RAB3C: variants seen among roughly 807,000 people sequenced by gnomAD.
RAB3C encodes ras-related protein Rab-3C.
RAB3C carries 17 observed loss-of-function variants against 26.4 expected under a neutral mutation model. The observed-to-expected ratio is 0.64, with a 90% CI of 0.44 to 0.97. The LOEUF is 0.97. RAB3C is among the 50% of genes least tolerant of loss of function. The pLI is 0.00. For synonymous variants in RAB3C, 91 were observed against 95.9 expected (o/e 0.95, Z 0.30); for missense variants, 242 against 281.9 (o/e 0.86, Z 1.01).
At chr5:58,839,359 T>G (rs1220250708) in intron 4 of RAB3C, among the ~76,000 whole-genome samples, 7 of 150,248 alleles carry the variant, frequency 4.7e-5, no homozygotes, top group Admixed American at 4.6e-4. Flanking sequence ...TTTTATTTAT[T>G]TATTTATTTA....
intron 2 of RAB3C, among the ~76,000 whole-genome samples, chr5:58,672,421 A>T (rs1748138811): frequency 1.3e-5 from 2 of 152,190 alleles, no homozygotes; most frequent in Admixed American, 6.5e-5. Context: ...TAACTTGCCA[A>T]ACTATTTCCT....
At chr5:58,731,675 C>T (rs1561303273) in intron 3 of RAB3C, among the ~76,000 whole-genome samples, 1 of 152,136 alleles carries the variant, frequency 6.6e-6, no homozygotes, top group Non-Finnish European at 1.5e-5. Flanking sequence ...CTCACAGGAA[C>T]GTCTTCAGAG....
intron 2 of RAB3C, among the ~76,000 whole-genome samples, chr5:58,655,336 A>G (rs986190568): frequency 6.6e-6 from 1 of 152,256 alleles, no homozygotes; most frequent in Non-Finnish European, 1.5e-5. Flanking sequence ...CATTAAAAAC[A>G]AAGATGGGAC....
chr5:58,732,351 GA>G (rs1331524207), intron 3 of RAB3C, among the ~76,000 whole-genome samples: 1 of 151,658 alleles, frequency 6.6e-6, no homozygotes, highest in Non-Finnish European at 1.5e-5. Flanking sequence ...TAGGAAAGGA[GA>G]AAAAACATAT....
intron 3 of RAB3C, among the ~76,000 whole-genome samples, chr5:58,781,950 C>T (rs866658980): frequency 6.6e-6 from 1 of 151,880 alleles, no homozygotes; most frequent in African/African-American, 2.4e-5. Flanking sequence ...TTTTGATTCT[C>T]CCTTCTACCG....
intron 3 of RAB3C, among the ~76,000 whole-genome samples, chr5:58,818,261 G>A (rs936821319): frequency 6.6e-5 from 10 of 152,084 alleles, no homozygotes; most frequent in African/African-American, 2.4e-4. Flanking sequence ...GTAGAAATGT[G>A]GTTTGTTCAC....
chr5:58,620,149 T>G (rs1746905668), intron 2 of RAB3C, among the ~76,000 whole-genome samples: 1 of 152,190 alleles, frequency 6.6e-6, no homozygotes, highest in Non-Finnish European at 1.5e-5. Flanking sequence ...TCCATTCTCC[T>G]GCTCTGTGGA....
chr5:58,767,406 T>C (rs1741929463), intron 3 of RAB3C, among the ~76,000 whole-genome samples: 1 of 152,248 alleles, frequency 6.6e-6, no homozygotes, highest in Non-Finnish European at 1.5e-5. Context: ...ATTTCATTCA[T>C]TCATTCTTTG....
intron 2 of RAB3C, among the ~76,000 whole-genome samples, chr5:58,636,117 T>A (rs77190832): frequency 0.015 from 2,223 of 152,316 alleles, 47 homozygotes; most frequent in African/African-American, 0.05. Flanking sequence ...TTATTTTGGC[T>A]CCACCCCAGC....
intron 3 of RAB3C, among the ~76,000 whole-genome samples, chr5:58,740,695 C>A (rs1010256435): frequency 3.3e-5 from 5 of 151,992 alleles, no homozygotes; most frequent in African/African-American, 1.2e-4. Context: ...TGGCACGCAC[C>A]CATAGTCCCA....
chr5:58,717,432 C>T (rs1749194824), intron 2 of RAB3C, among the ~76,000 whole-genome samples: 1 of 152,086 alleles, frequency 6.6e-6, no homozygotes, highest in Non-Finnish European at 1.5e-5. Flanking sequence ...TGAAGCCTGT[C>T]CTGCCACCCA....
At position 58,810,397 on chromosome 5, in the gene RAB3C, G is replaced by C. The variant is rs1320283055; in HGVS notation, c.372-14641G>C. ...TCTCTCTCTCTCTCTGTGTGTGTGT[G>C]TGTGTGTGTGTGTGTGTGTTTTCTT... On this transcript the variant is annotated intron_variant, in intron 3 of 4. Transcript: ENST00000282878. Among the ~76,000 whole-genome samples, 456 of 115,320 alleles carry C rather than the reference G, an allele frequency of 4.0e-3. 2 individuals carry two copies. The highest frequency in any genetic ancestry group is 0.013 in the African/African-American group (423 of 33,594). 75.7% of individuals were successfully genotyped at this position (115,320 alleles called of 152,430 possible).
At chr5:58,608,229 T>A (rs1329320122) in intron 1 of RAB3C, among the ~76,000 whole-genome samples, 1 of 151,954 alleles carries the variant, frequency 6.6e-6, no homozygotes, top group East Asian at 1.9e-4. Flanking sequence ...AATAAAGGGA[T>A]GGAGGAAGAT....
intron 2 of RAB3C, among the ~76,000 whole-genome samples, chr5:58,654,106 A>G (rs1418673946): frequency 1.3e-5 from 2 of 152,080 alleles, no homozygotes; most frequent in Non-Finnish European, 2.9e-5. Flanking sequence ...TTCAGGTGGC[A>G]CTTTTTGTTA....
At chr5:58,659,968 TA>T (rs1048482481) in intron 2 of RAB3C, among the ~76,000 whole-genome samples, 1 of 152,174 alleles carries the variant, frequency 6.6e-6, no homozygotes, top group Admixed American at 6.5e-5. Context: ...CATGCCTGGC[TA>T]ATTTTTGTGT....
At chr5:58,612,645 A>T (rs6859899) in intron 1 of RAB3C, among the ~76,000 whole-genome samples, 1 of 150,730 alleles carries the variant, frequency 6.6e-6, no homozygotes, top group Non-Finnish European at 1.5e-5. Flanking sequence ...GTTTAGGAAT[A>T]CTAGTGATTT....
intron 2 of RAB3C, among the ~76,000 whole-genome samples, chr5:58,630,216 G>T (rs912096097): frequency 6.6e-6 from 1 of 152,188 alleles, no homozygotes; most frequent in Non-Finnish European, 1.5e-5. Flanking sequence ...AATAATATTT[G>T]CCTTGCAGGC....
At chr5:58,658,253 T>C (rs900146069) in intron 2 of RAB3C, among the ~76,000 whole-genome samples, 2 of 152,180 alleles carry the variant, frequency 1.3e-5, no homozygotes. Context: ...ACTTTCACAA[T>C]GTTCATCTGC....
chr5:58,591,952 G>A (rs2111658724), intron 1 of RAB3C, among the ~76,000 whole-genome samples: 1 of 145,492 alleles, frequency 6.9e-6, no homozygotes, highest in Non-Finnish European at 1.5e-5. Flanking sequence ...AGGCTGGAGT[G>A]CAGTGGCACG....
Sources: allele counts gnomAD v4.1 joint callset (sites outside exome capture counted in the v4.1 genomes callset), GRCh38; gene constraint gnomAD v4.1.1; transcripts MANE v1.5; gene names NCBI Gene and HGNC (gene_info 2026-07-23, HGNC 2026-07-21).